The following SERPINE2 variants were observed in gnomAD, a reference collection of about 807,000 sequenced individuals.
The protein encoded by SERPINE2 is serpin family E member 2.
A neutral mutation model predicts 36.3 loss-of-function variants in SERPINE2; 14 were observed. That is an observed-to-expected ratio of 0.39 (90% CI 0.25 to 0.60). The LOEUF (loss-of-function observed/expected upper bound fraction) is 0.60, where lower values mean the gene tolerates loss of function less well. Ranked by LOEUF, SERPINE2 falls within the 20% of genes least tolerant of loss-of-function variation. SERPINE2 has a pLI of 0.57. For synonymous variants in SERPINE2, 192 were observed against 191.8 expected (o/e 1.00, Z -0.01); for missense variants, 418 against 499.6 (o/e 0.84, Z 1.56).
At chr2:224,006,239 A>G (rs1365152825) in intron 1 of SERPINE2, among the ~76,000 whole-genome samples, 1 of 152,214 alleles carries the variant, frequency 6.6e-6, no homozygotes, top group Non-Finnish European at 1.5e-5. Flanking sequence ...TTGCAGTGCT[A>G]TACTTTCAAC....
chr2:224,025,990 A>G (rs1692167942), intron 1 of SERPINE2, among the ~76,000 whole-genome samples: 1 of 152,224 alleles, frequency 6.6e-6, no homozygotes, highest in Admixed American at 6.5e-5. Context: ...CCTTCAAGGT[A>G]GGTGGGCGTG....
At chr2:224,038,177 CAAAT>C in intron 1 of SERPINE2, among the ~76,000 whole-genome samples, 1 of 152,256 alleles carries the variant, frequency 6.6e-6, no homozygotes, top group South Asian at 2.1e-4. Context: ...ACAATTCAGA[CAAAT>C]AAACGGCTTC....
At position 223,997,208 on chromosome 2, in the gene SERPINE2, GTTTT is replaced by G. The variant is rs535998301; in HGVS notation, c.487+903_487+906del. Among the ~76,000 whole-genome samples, 1,241 of 135,862 alleles carry G rather than the reference GTTTT, an allele frequency of 9.1e-3. 11 individuals carry two copies. In the Middle Eastern group the frequency reaches 0.098, roughly 11 times the overall value. 89.1% of individuals were successfully genotyped at this position (135,862 alleles called of 152,430 possible). The stretch of plus-strand genomic sequence containing the variant: ...CCACGTTACAAATTAAGGTTTTTTT[GTTTT>G]TTTGTTTCTTTTTGTTGTTGTTGTT... On this transcript the variant is annotated intron_variant, in intron 3 of 8. Transcript: ENST00000409304.
intron 1 of SERPINE2, among the ~76,000 whole-genome samples, chr2:224,036,486 G>C (rs1692541326): frequency 6.6e-6 from 1 of 151,772 alleles, no homozygotes; most frequent in African/African-American, 2.4e-5. Context: ...TGTGGTGGGG[G>C]GCGGGGAGTG....
rs554215368 is a variant in SERPINE2, at chr2:223,991,130, C to T, written c.685+673G>A. On this transcript the variant is annotated intron_variant, in intron 4 of 8. Transcript: ENST00000409304. Reference sequence around the variant, plus strand: ...GATTGATATCTGCTGTTTTATATCTCGTTTTCTGAAATCAATCATATATTG... The same window carrying T: ...GATTGATATCTGCTGTTTTATATCTTGTTTTCTGAAATCAATCATATATTG... 3.9e-5 allele frequency among the ~76,000 whole-genome samples: 6 copies of T among 152,234 alleles called. No individual in the cohort carries two copies. In the South Asian group the frequency reaches 6.2e-4, roughly 16 times the overall value.
intron 1 of SERPINE2, among the ~76,000 whole-genome samples, chr2:224,020,071 T>G (rs1691944024): frequency 6.6e-6 from 1 of 152,228 alleles, no homozygotes; most frequent in Non-Finnish European, 1.5e-5. Flanking sequence ...AAATGCCTAG[T>G]TAACCCATAC....
intron 1 of SERPINE2, among the ~76,000 whole-genome samples, chr2:224,004,581 G>A (rs558887915): frequency 6.2e-4 from 95 of 152,250 alleles, no homozygotes; most frequent in Non-Finnish European, 9.9e-4. Context: ...TTTGGAGAGC[G>A]TCCAAATCAT....
Position 224,039,283 on chromosome 2 carries a change from G to A in SERPINE2, c.-207C>T, listed in dbSNP as rs1692638346. ...GCCGCGCAGCCCGGGCAGCCCCACA[G>A]CGCAAGCTGGCTGCCGCGGCGGCGG... is the stretch of plus-strand genomic sequence containing the variant. On this transcript the variant is annotated 5_prime_UTR_variant, in exon 1 of 9. Coordinates refer to ENST00000409304, the MANE Select transcript of SERPINE2 (RefSeq NM_001136528.2). The surrounding 1 kb of genome is among the most constrained non-coding windows in gnomAD (Gnocchi z 5.2). 3 of 150,354 alleles carry A rather than the reference G, an allele frequency of 2.0e-5. No individual in the cohort carries two copies. The highest frequency in any genetic ancestry group is 2.0e-4 in the South Asian group (1 of 4,918). 9.3% of individuals were successfully genotyped at this position (150,354 alleles called of 1,614,324 possible). A position where few individuals can be genotyped will look rare whatever the true frequency, so the allele number is the denominator to read the frequency against.
At chr2:224,008,372 T>C (rs182700335) in intron 1 of SERPINE2, among the ~76,000 whole-genome samples, 2 of 152,378 alleles carry the variant, frequency 1.3e-5, no homozygotes, top group East Asian at 1.9e-4. Context: ...CTGAGGTTTA[T>C]TTTGTGTTAC....
intron 6 of SERPINE2, chr2:223,980,698 G>C (rs1690197383): frequency 4.2e-6 from 1 of 236,012 alleles, no homozygotes; most frequent in African/African-American, 2.3e-5. Context: ...GAAAAGAGCA[G>C]AGCTTTAAAA....
intron 1 of SERPINE2, among the ~76,000 whole-genome samples, chr2:224,029,252 TACA>T (rs1369975893): frequency 3.3e-5 from 5 of 152,224 alleles, no homozygotes; most frequent in African/African-American, 9.6e-5. Context: ...AGCTCTCCCT[TACA>T]ATTAAGTCAT....
At chr2:224,026,759 C>A (rs1692200049) in intron 1 of SERPINE2, among the ~76,000 whole-genome samples, 1 of 152,148 alleles carries the variant, frequency 6.6e-6, no homozygotes, top group South Asian at 2.1e-4. Flanking sequence ...CAGAAGGGAT[C>A]AGGCCTTAAC....
At chr2:223,994,738 G>A (rs1432668585) in intron 3 of SERPINE2, among the ~76,000 whole-genome samples, 2 of 152,198 alleles carry the variant, frequency 1.3e-5, no homozygotes, top group African/African-American at 4.8e-5. Context: ...CTCAGAAATG[G>A]CTATAAAAAT....
intron 1 of SERPINE2, among the ~76,000 whole-genome samples, chr2:224,020,711 C>T (rs1360418864): frequency 6.6e-6 from 1 of 152,216 alleles, no homozygotes; most frequent in Non-Finnish European, 1.5e-5. Flanking sequence ...CAATTCCCAG[C>T]TGTAAAAATA....
At chr2:224,034,653 G>T (rs1692477984) in intron 1 of SERPINE2, among the ~76,000 whole-genome samples, 1 of 152,154 alleles carries the variant, frequency 6.6e-6, no homozygotes. Flanking sequence ...CACACTGTAT[G>T]ACTCTGGATA....
Position 224,038,463 on chromosome 2 carries a change from T to C in SERPINE2, c.-23+636A>G. On this transcript the variant is annotated intron_variant, in intron 1 of 8. Coordinates refer to ENST00000409304, the MANE Select transcript of SERPINE2 (RefSeq NM_001136528.2). Reference sequence around the variant, plus strand: ...ATTAAATGCCTAATTCCTTCCAGAATTTCTGAGTACCGTACTTTCATTTTA... The same window carrying C: ...ATTAAATGCCTAATTCCTTCCAGAACTTCTGAGTACCGTACTTTCATTTTA... 3.9e-6 allele frequency: 6 copies of C among 1,549,132 alleles called. No individual in the cohort carries two copies. In the South Asian group the frequency reaches 6.0e-5, roughly 15 times the overall value.
intron 3 of SERPINE2, among the ~76,000 whole-genome samples, chr2:223,992,207 CAGAAAAGACTTT>C (rs1690700808): frequency 6.6e-6 from 1 of 152,096 alleles, no homozygotes; most frequent in African/African-American, 2.4e-5. Context: ...AAAAGAGAAA[CAGAAAAGACTTT>C]AGAAACCCCT....
At chr2:224,005,065 T>TTATATATTTATATA (rs1553547022) in intron 1 of SERPINE2, among the ~76,000 whole-genome samples, 32 of 33,554 alleles carry the variant, frequency 9.5e-4, no homozygotes, top group South Asian at 7.9e-3. Context: ...TTTATATATA[T>TTATATATTTATATA]TATATATATA....
chr2:224,001,606 C>A (rs202001801), intron 2 of SERPINE2, 36 bp downstream of exon 2: 15 of 1,588,282 alleles, frequency 9.4e-6, no homozygotes, highest in Non-Finnish European at 1.3e-5. Flanking sequence ...GACTCTCAGG[C>A]AAAGGCTCCG....
Sources: allele counts gnomAD v4.1 joint callset (sites outside exome capture counted in the v4.1 genomes callset), GRCh38; gene constraint gnomAD v4.1.1; non-coding constraint Gnocchi (gnomAD v3.1); transcripts MANE v1.5; gene names NCBI Gene and HGNC (gene_info 2026-07-23, HGNC 2026-07-21).